The following SMAD4 variants were observed in gnomAD, a reference collection of about 807,000 sequenced individuals.
SMAD4 encodes the protein SMAD family member 4.
A neutral mutation model predicts 63.2 loss-of-function variants in SMAD4; 7 were observed. The ratio of observed to expected loss-of-function variants is 0.11; its 90% CI spans 0.06 to 0.21. The LOEUF is 0.21. SMAD4 is among the 10% of genes least tolerant of loss of function. The pLI is 1.00. For synonymous variants in SMAD4, 215 were observed against 235.4 expected (o/e 0.91, Z 0.79); for missense variants, 312 against 693.8 (o/e 0.45, Z 6.18).
At chr18:51,061,542 T>TA (rs1358736571) in intron 8 of SMAD4, among the ~76,000 whole-genome samples, 1 of 152,214 alleles carries the variant, frequency 6.6e-6, no homozygotes, top group Admixed American at 6.5e-5. Flanking sequence ...GCATTTTTTT[T>TA]ATGGCTGAAT....
At chr18:51,078,060 T>C (rs1443878831) in intron 11 of SMAD4, among the ~76,000 whole-genome samples, 196 bp from the exon 12 acceptor site, 1 of 152,242 alleles carries the variant, frequency 6.6e-6, no homozygotes, top group African/African-American at 2.4e-5. Context: ...ATGTGAAATG[T>C]AAAGTTCCTT....
At chr18:51,066,759 A>G in intron 9 of SMAD4, 1 of 398,104 alleles carries the variant, frequency 2.5e-6, no homozygotes, top group East Asian at 5.1e-5. Flanking sequence ...GAATAATAGT[A>G]CTTGTTGAGT....
At chr18:51,040,534 A>G (rs1291580454) in intron 1 of SMAD4, among the ~76,000 whole-genome samples, 2 of 152,238 alleles carry the variant, frequency 1.3e-5, no homozygotes, top group Non-Finnish European at 2.9e-5. Flanking sequence ...TGACACATAT[A>G]ATACAGTTAA....
At chr18:51,037,954 T>G (rs1184081881) in intron 1 of SMAD4, among the ~76,000 whole-genome samples, 1 of 152,128 alleles carries the variant, frequency 6.6e-6, no homozygotes, top group Non-Finnish European at 1.5e-5. Context: ...TTAAAGACTT[T>G]TCTGATGAGA....
intron 11 of SMAD4, 186 bp downstream of exon 11, chr18:51,076,962 G>GA (rs1910488360): frequency 7.8e-6 from 4 of 515,448 alleles, no homozygotes; most frequent in Non-Finnish European, 1.0e-5. Flanking sequence ...GACCCTGTTT[G>GA]CATTCTTTTT....
chr18:51,048,936 A>G, intron 3 of SMAD4, 76 bp downstream of exon 3: 2 of 1,344,034 alleles, frequency 1.5e-6, no homozygotes, highest in Non-Finnish European at 2.1e-6. Context: ...TTTGTAAGTT[A>G]AATTATAAAT....
At chr18:51,056,877 A>T (rs1369255524) in intron 5 of SMAD4, among the ~76,000 whole-genome samples, 2 of 152,132 alleles carry the variant, frequency 1.3e-5, no homozygotes, top group Non-Finnish European at 2.9e-5. Flanking sequence ...AATACCTGTA[A>T]ATTAAAATAA....
rs1461871629 is a variant in SMAD4 at position 51,046,957 on chromosome 18, C to T, written c.-90C>T. 8.5e-7 allele frequency: 1 copy of T among 1,171,330 alleles called. No individual in the cohort carries two copies. Among genetic ancestry groups the T allele is most frequent in the Admixed American group, 1.8e-5 (1 of 55,946 alleles). 72.6% of individuals were successfully genotyped at this position (1,171,330 alleles called of 1,614,324 possible). On this transcript the variant is annotated 5_prime_UTR_variant, in exon 2 of 12. It adds an upstream start codon to the 5' untranslated region. Coordinates refer to ENST00000342988, the MANE Select transcript of SMAD4 (RefSeq NM_005359.6). The stretch of plus-strand genomic sequence containing the variant: ...ACATGTCTAACAATTTTCCTTGCAA[C>T]GTTAGCTGTTGTTTTTCACTGTTTC...
chr18:51,062,580 A>G (rs1334700513), intron 8 of SMAD4, among the ~76,000 whole-genome samples: 2 of 151,698 alleles, frequency 1.3e-5, no homozygotes, highest in Non-Finnish European at 2.9e-5. Context: ...GCTCACTGCA[A>G]CCTCCACCTC....
At chr18:51,061,968 T>G (rs1910025982) in intron 8 of SMAD4, among the ~76,000 whole-genome samples, 1 of 152,174 alleles carries the variant, frequency 6.6e-6, no homozygotes, top group African/African-American at 2.4e-5. Flanking sequence ...GTTTAAGAAA[T>G]TTGTAGAATT....
intron 1 of SMAD4, among the ~76,000 whole-genome samples, chr18:51,036,551 G>C (rs190201909): frequency 6.6e-6 from 1 of 152,272 alleles, no homozygotes. Context: ...ACTAGTTGAA[G>C]GAAGAATGTG....
chr18:51,078,922 A>G lies in SMAD4; in HGVS notation c.*455A>G. On this transcript the variant is annotated 3_prime_UTR_variant, in exon 12 of 12. Coordinates refer to ENST00000342988, the MANE Select transcript of SMAD4 (RefSeq NM_005359.6). Reference sequence around the variant, plus strand: ...GTTGTTATTGTTGAACATACTTCAAAAATAATGTGCCATGTGGGTGAGTTA... The same window carrying G: ...GTTGTTATTGTTGAACATACTTCAAGAATAATGTGCCATGTGGGTGAGTTA... The G allele has an allele frequency of 8.4e-6, 2 of 237,210 alleles. No individual in the cohort carries two copies. Among genetic ancestry groups the G allele is most frequent in the Non-Finnish European group, 1.7e-5 (2 of 120,354 alleles). The allele number at this position is 237,210 out of a possible 1,614,324, so 14.7% of individuals were successfully genotyped here. A position where few individuals can be genotyped will look rare whatever the true frequency, so the allele number is the denominator to read the frequency against.
At chr18:51,058,482 G>T (rs2144429700) in intron 7 of SMAD4, 26 bp downstream of exon 7, 2 of 1,402,064 alleles carry the variant, frequency 1.4e-6, no homozygotes, top group Non-Finnish European at 2.0e-6. Flanking sequence ...TGTTGTAAGG[G>T]CTATTTTTTT....
At chr18:51,066,926 A>T in intron 9 of SMAD4, 93 bp from the exon 10 acceptor site, 1 of 973,016 alleles carries the variant, frequency 1.0e-6, no homozygotes, top group Non-Finnish European at 1.6e-6. Context: ...TTTATTTTTA[A>T]TTTTTCAATA....
intron 1 of SMAD4, among the ~76,000 whole-genome samples, chr18:51,041,482 G>C (rs1213805847): frequency 6.6e-6 from 1 of 152,234 alleles, no homozygotes; most frequent in East Asian, 1.9e-4. Context: ...GTGTTGTCCA[G>C]TGCATTGCAG....
chr18:51,064,498 G>T (rs1257575025), intron 8 of SMAD4, among the ~76,000 whole-genome samples: 1 of 152,198 alleles, frequency 6.6e-6, no homozygotes, highest in African/African-American at 2.4e-5. Flanking sequence ...GCAGTGCCTA[G>T]AAAGATCCCT....
At chr18:51,036,985 C>T (rs537296551) in intron 1 of SMAD4, among the ~76,000 whole-genome samples, 33 of 152,258 alleles carry the variant, frequency 2.2e-4, no homozygotes, top group South Asian at 8.3e-4. Context: ...CATGGTGAAA[C>T]CCCGTCTCTA....
chr18:51,049,280 C>A lies in SMAD4; in HGVS notation c.425-15C>A. The stretch of plus-strand genomic sequence containing the variant: ...TGATTAATGTTTCATTTGTTTTCCC[C>A]TTTAAACAATTAAGATCTCTCAGGA... On this transcript the variant is annotated splice_polypyrimidine_tract_variant and intron_variant, in intron 3 of 11. Transcript: ENST00000342988. 1 of 1,547,680 alleles carries A rather than the reference C, an allele frequency of 6.5e-7. No homozygotes were observed. Among genetic ancestry groups the A allele is most frequent in the Non-Finnish European group, 8.9e-7 (1 of 1,121,038 alleles).
At chr18:51,055,337 G>C (rs1159598497) in intron 5 of SMAD4, among the ~76,000 whole-genome samples, 2 of 152,134 alleles carry the variant, frequency 1.3e-5, no homozygotes, top group African/African-American at 2.4e-5. Flanking sequence ...TAATGGAATT[G>C]CAACCTTTCT....
Sources: allele counts gnomAD v4.1 joint callset (sites outside exome capture counted in the v4.1 genomes callset), GRCh38; gene constraint gnomAD v4.1.1; transcripts MANE v1.5; gene names NCBI Gene and HGNC (gene_info 2026-07-23, HGNC 2026-07-21).